The following PPARD variants were observed in gnomAD, a reference collection of about 807,000 sequenced individuals.
PPARD encodes peroxisome proliferator-activated receptor delta.
In PPARD, 6 loss-of-function variants were observed where a neutral mutation model predicts 39.5. That is an observed-to-expected ratio of 0.15 (90% CI 0.08 to 0.30). The LOEUF (loss-of-function observed/expected upper bound fraction) is 0.30, where lower values mean the gene tolerates loss of function less well. PPARD is among the 10% of genes least tolerant of loss of function. The probability of loss-of-function intolerance (pLI) is 1.00; values close to 1 mark genes in which losing one functional copy is unlikely to be tolerated. For synonymous variants in PPARD, 210 were observed against 231.3 expected (o/e 0.91, Z 0.83); for missense variants, 397 against 596.8 (o/e 0.67, Z 3.49).
chr6:35,411,306 G>T, intron 3 of PPARD, 89 bp downstream of exon 3: 1 of 1,337,444 alleles, frequency 7.5e-7, no homozygotes. Flanking sequence ...GCCATCATGT[G>T]GGGCGCAGAG....
At chr6:35,356,003 C>T (rs1047481346) in intron 2 of PPARD, among the ~76,000 whole-genome samples, 1 of 151,972 alleles carries the variant, frequency 6.6e-6, no homozygotes, top group Non-Finnish European at 1.5e-5. Flanking sequence ...TCACTCCTAA[C>T]TTCTACCCAG....
At chr6:35,377,476 C>T (rs141070436) in intron 2 of PPARD, among the ~76,000 whole-genome samples, 2 of 152,300 alleles carry the variant, frequency 1.3e-5, no homozygotes, top group African/African-American at 4.8e-5. Flanking sequence ...TTAAATTTTA[C>T]ACTTCAGCAA....
chr6:35,365,417 G>A (rs774044201), intron 2 of PPARD, among the ~76,000 whole-genome samples: 13 of 151,018 alleles, frequency 8.6e-5, no homozygotes, highest in Non-Finnish European at 1.6e-4. Context: ...TGGGATTACA[G>A]GTGTGAGCCA....
intron 2 of PPARD, among the ~76,000 whole-genome samples, chr6:35,354,550 C>T (rs554018715): frequency 1.3e-4 from 20 of 152,194 alleles, no homozygotes; most frequent in Admixed American, 6.5e-4. Flanking sequence ...CTGCCCACCT[C>T]GGCCTCCCAA....
chr6:35,370,642 C>T (rs1762436635), intron 2 of PPARD, among the ~76,000 whole-genome samples: 1 of 152,196 alleles, frequency 6.6e-6, no homozygotes, highest in Non-Finnish European at 1.5e-5. Flanking sequence ...AGCCTGCTAC[C>T]CGCCCATGGT....
chr6:35,352,244 T>C (rs2150440754), intron 2 of PPARD, among the ~76,000 whole-genome samples: 1 of 152,150 alleles, frequency 6.6e-6, no homozygotes, highest in Admixed American at 6.5e-5. Flanking sequence ...AGTGCAGTGG[T>C]GTGATCTCGG....
intron 2 of PPARD, among the ~76,000 whole-genome samples, chr6:35,373,520 A>T (rs1454399927): frequency 6.6e-6 from 1 of 152,182 alleles, no homozygotes; most frequent in Non-Finnish European, 1.5e-5. Context: ...CCTCTGTAAC[A>T]TGATTGTACC....
intron 2 of PPARD, among the ~76,000 whole-genome samples, chr6:35,389,473 G>A (rs757706059): frequency 6.6e-6 from 1 of 152,034 alleles, no homozygotes; most frequent in African/African-American, 2.4e-5. Flanking sequence ...CACCATGCCC[G>A]GCTAATTTTT....
chr6:35,349,187 G>A (rs1022716913), intron 2 of PPARD, among the ~76,000 whole-genome samples: 1 of 151,852 alleles, frequency 6.6e-6, no homozygotes, highest in African/African-American at 2.4e-5. Flanking sequence ...CACCACGCCC[G>A]GCTAATTTTT....
intron 2 of PPARD, chr6:35,348,728 T>TC (rs1761035600): frequency 1.0e-6 from 1 of 985,152 alleles, no homozygotes; most frequent in African/African-American, 1.7e-5. Flanking sequence ...TTCAGGAAGG[T>TC]CCTGGGTGGG....
intron 2 of PPARD, among the ~76,000 whole-genome samples, chr6:35,365,066 C>T (rs1762129677): frequency 6.6e-6 from 1 of 151,602 alleles, no homozygotes; most frequent in Non-Finnish European, 1.5e-5. Flanking sequence ...CACTGGTCTG[C>T]ACCTTGCTTC....
chr6:35,348,883 T>TTGAAC (rs1251236976), intron 2 of PPARD: 33 of 985,254 alleles, frequency 3.3e-5, no homozygotes, highest in Non-Finnish European at 3.9e-5. Flanking sequence ...AGCTACTGAG[T>TTGAAC]TGAACTGATT....
chr6:35,344,217 C>T (rs1418444155), intron 1 of PPARD, among the ~76,000 whole-genome samples: 1 of 151,958 alleles, frequency 6.6e-6, no homozygotes, highest in Non-Finnish European at 1.5e-5. Flanking sequence ...CTAGGGAATC[C>T]AAATTGTCCC....
Position 35,411,163 on chromosome 6 carries a change from GC to G in PPARD, c.80del (p.Pro27GlnfsTer78). On this transcript the variant is annotated frameshift_variant, in exon 3 of 8. Transcript: ENST00000360694. LOFTEE classifies it high-confidence loss of function. Reference sequence around the variant, plus strand: ...AGAGGAAGTGGCAGAGGCAGAAGGAGCCCCAGAGCTCAATGGGGGACCACAG... The same window carrying G: ...AGAGGAAGTGGCAGAGGCAGAAGGAGCCCAGAGCTCAATGGGGGACCACAG... ...EKEEVAEAEG[A>X]PELNGGPQHA... 6.3e-7 allele frequency: 1 copy of G among 1,575,894 alleles called. No homozygotes were observed. The highest frequency in any genetic ancestry group is 8.6e-7 in the Non-Finnish European group (1 of 1,159,552).
intron 3 of PPARD, among the ~76,000 whole-genome samples, chr6:35,418,202 G>A (rs1281684343): frequency 2.6e-5 from 4 of 152,232 alleles, no homozygotes; most frequent in Non-Finnish European, 4.4e-5. Context: ...ATATGCTCAC[G>A]GACTGCACAG....
At chr6:35,376,903 C>A (rs1033413387) in intron 2 of PPARD, among the ~76,000 whole-genome samples, 3 of 151,922 alleles carry the variant, frequency 2.0e-5, no homozygotes, top group African/African-American at 7.3e-5. Flanking sequence ...GCCTGTAGTC[C>A]CAGCTGCTGG....
rs754746206 is a variant in PPARD at position 35,401,001 on chromosome 6, C to T, written c.-101-9986C>T. ...TGGCCTCATGCCAAGCAGTGCCAAG[C>T]GCCACGTCTGCTCCCCAGATACCTG... On this transcript the variant is annotated intron_variant, in intron 2 of 7. Transcript: ENST00000360694. The surrounding 1 kb of genome is among the most constrained non-coding windows in gnomAD (Gnocchi z 4.1). Among the ~76,000 whole-genome samples, 1 of 152,048 alleles carries T rather than the reference C, an allele frequency of 6.6e-6. No homozygotes were observed. Among genetic ancestry groups the T allele is most frequent in the Non-Finnish European group, 1.5e-5 (1 of 68,016 alleles).
chr6:35,374,091 T>C (rs1234288010), intron 2 of PPARD, among the ~76,000 whole-genome samples: 1 of 152,150 alleles, frequency 6.6e-6, no homozygotes, highest in Non-Finnish European at 1.5e-5. Context: ...TCCTGACCTC[T>C]GCTGCTGGTG....
chr6:35,355,323 A>G (rs1233179894), intron 2 of PPARD, among the ~76,000 whole-genome samples: 1 of 152,006 alleles, frequency 6.6e-6, no homozygotes, highest in East Asian at 1.9e-4. Context: ...GGTGGCGCAC[A>G]CCTGTAGTCC....
Sources: allele counts gnomAD v4.1 joint callset (sites outside exome capture counted in the v4.1 genomes callset), GRCh38; gene constraint gnomAD v4.1.1; non-coding constraint Gnocchi (gnomAD v3.1); transcripts MANE v1.5; gene names NCBI Gene and HGNC (gene_info 2026-07-23, HGNC 2026-07-21).